Variants in CERT1 observed in about 807,000 individuals in gnomAD.
CERT1 encodes ceramide transporter 1.
In CERT1, 31 loss-of-function variants were observed where a neutral mutation model predicts 87.9. The observed-to-expected ratio is 0.35, with a 90% CI of 0.27 to 0.48. The LOEUF is 0.48. Among genes scored for constraint, CERT1 ranks in the 20% least tolerant of loss-of-function variants. The pLI is 0.99. For missense variants in CERT1, 487 were observed against 758.0 expected (o/e 0.64, Z 4.20); for synonymous variants, 289 against 250.9 (o/e 1.15, Z -1.44).
intron 2 of CERT1, among the ~76,000 whole-genome samples, chr5:75,461,354 G>T (rs1413508803): frequency 6.6e-6 from 1 of 152,150 alleles, no homozygotes; most frequent in Non-Finnish European, 1.5e-5. Context: ...AGAATCTAAT[G>T]GTTGATGATC....
chr5:75,449,477 C>A (rs568178134), intron 3 of CERT1, among the ~76,000 whole-genome samples: 6 of 152,296 alleles, frequency 3.9e-5, no homozygotes, highest in Admixed American at 3.9e-4. Context: ...TATAGGTTGG[C>A]CTCTAGTCCC....
At chr5:75,404,894 G>A (rs1762643118) in intron 8 of CERT1, among the ~76,000 whole-genome samples, 1 of 151,996 alleles carries the variant, frequency 6.6e-6, no homozygotes, top group Non-Finnish European at 1.5e-5. Context: ...TATAAACCTA[G>A]TACTCAGGAG....
At chr5:75,387,260 G>A (rs988760378) in intron 12 of CERT1, among the ~76,000 whole-genome samples, 1 of 152,188 alleles carries the variant, frequency 6.6e-6, no homozygotes, top group Non-Finnish European at 1.5e-5. Flanking sequence ...TAGATGTGGT[G>A]CCAAAGGTGC....
chr5:75,415,136 A>G (rs1763087377), intron 7 of CERT1, among the ~76,000 whole-genome samples: 1 of 152,148 alleles, frequency 6.6e-6, no homozygotes, highest in Non-Finnish European at 1.5e-5. Flanking sequence ...TATATTATGT[A>G]TATATATATG....
At chr5:75,478,260 G>A (rs1449477820) in intron 2 of CERT1, among the ~76,000 whole-genome samples, 1 of 151,890 alleles carries the variant, frequency 6.6e-6, no homozygotes, top group East Asian at 1.9e-4. Context: ...GGTGCAGTGA[G>A]CCAAGATCCT....
intron 5 of CERT1, among the ~76,000 whole-genome samples, chr5:75,421,676 G>A (rs1437037472): frequency 6.6e-6 from 1 of 152,032 alleles, no homozygotes; most frequent in Admixed American, 6.6e-5. Context: ...GTTATAATAC[G>A]ACTATTCCTA....
At chr5:75,374,069 A>G (rs1233222144), downstream of CERT1, 1 of 398,640 alleles carries the variant, frequency 2.5e-6, no homozygotes, top group Non-Finnish European at 4.4e-6. Context: ...TCATTTTTGT[A>G]CACAAGGCCA....
intron 3 of CERT1, among the ~76,000 whole-genome samples, chr5:75,446,821 A>G (rs540643225): frequency 6.6e-6 from 1 of 152,266 alleles, no homozygotes; most frequent in East Asian, 1.9e-4. Context: ...TTGTTTATGA[A>G]TGTCCTAGTC....
intron 2 of CERT1, among the ~76,000 whole-genome samples, chr5:75,485,318 A>T (rs1214221006): frequency 8.2e-5 from 12 of 147,110 alleles, no homozygotes; most frequent in Admixed American, 2.0e-4. Flanking sequence ...AATACAAAAA[A>T]AAAAAAAAAA....
At chr5:75,390,885 T>C (rs764557025) in intron 11 of CERT1, among the ~76,000 whole-genome samples, 5 of 152,150 alleles carry the variant, frequency 3.3e-5, no homozygotes, top group Non-Finnish European at 7.4e-5. Flanking sequence ...CTCACTGTAA[T>C]CTTGAACTTC....
intron 7 of CERT1, among the ~76,000 whole-genome samples, chr5:75,412,890 C>T (rs1282370193): frequency 1.3e-5 from 2 of 152,156 alleles, no homozygotes; most frequent in Non-Finnish European, 2.9e-5. Context: ...TTAGGCTACA[C>T]TACATTTATT....
downstream of CERT1, chr5:75,376,214 T>G (rs1353287543): frequency 6.6e-6 from 1 of 152,224 alleles, no homozygotes; most frequent in Non-Finnish European, 1.5e-5. Context: ...AAAAAATTAT[T>G]CTTCTCAAAT....
At chr5:75,438,537 A>G (rs4385188) in intron 3 of CERT1, among the ~76,000 whole-genome samples, 49,834 of 151,978 alleles carry the variant, frequency 0.33, 9,416 homozygotes, top group African/African-American at 0.53. Flanking sequence ...TTAAAGGCAT[A>G]CTGGCTTTTT....
intron 3 of CERT1, among the ~76,000 whole-genome samples, chr5:75,437,697 C>G (rs963567700): frequency 6.7e-6 from 1 of 148,686 alleles, no homozygotes; most frequent in Non-Finnish European, 1.5e-5. Context: ...ACCCGGGAGG[C>G]AGAGGTTGCA....
downstream of CERT1, chr5:75,374,299 T>C (rs1360058326): frequency 6.4e-6 from 3 of 468,680 alleles, no homozygotes; most frequent in East Asian, 3.3e-5. Context: ...TCCATATTCA[T>C]GGAATGCATG....
intron 2 of CERT1, among the ~76,000 whole-genome samples, chr5:75,467,449 T>C (rs1315318846): frequency 2.6e-5 from 4 of 152,012 alleles, no homozygotes; most frequent in African/African-American, 4.8e-5. Flanking sequence ...AAGACTAGCC[T>C]GGTCAACATG....
chr5:75,439,210 A>C (rs944792340), intron 3 of CERT1, among the ~76,000 whole-genome samples: 5 of 151,878 alleles, frequency 3.3e-5, no homozygotes, highest in East Asian at 1.9e-4. Flanking sequence ...AATTGAACAA[A>C]AAAAAAAAGC....
intron 5 of CERT1, among the ~76,000 whole-genome samples, chr5:75,420,043 C>A (rs963103149): frequency 6.7e-6 from 1 of 150,358 alleles, no homozygotes; most frequent in Non-Finnish European, 1.5e-5. Context: ...ATGGCATGGT[C>A]TCGGCTCACT....
At position 75,400,239 on chromosome 5, in the gene CERT1, A is replaced by G; in HGVS notation, c.1076T>C (p.Phe359Ser). 6.2e-7 allele frequency: 1 copy of G among 1,613,700 alleles called. No individual in the cohort carries two copies. The highest frequency in any genetic ancestry group is 8.5e-7 in the Non-Finnish European group (1 of 1,179,610). ...AAATCTATGTGTCCCCACAGAAGAA[A>G]AGGCATCTCCAGAGGGCAAGGATGT... Reference protein sequence around the residue: ...WPTSLPSGDAFSSVGTHRFVQ... With the variant: ...WPTSLPSGDASSSVGTHRFVQ... The change falls in exon 10 of 17, where the codon TTT (phenylalanine) becomes TCT (serine). Residue 359 changes from phenylalanine to serine, a missense_variant. Coordinates refer to ENST00000643780, the MANE Select transcript of CERT1 (RefSeq NM_001379029.1).
Sources: allele counts gnomAD v4.1 joint callset (sites outside exome capture counted in the v4.1 genomes callset), GRCh38; gene constraint gnomAD v4.1.1; transcripts MANE v1.5; gene names NCBI Gene and HGNC (gene_info 2026-07-23, HGNC 2026-07-21).